CNTN5: variants seen among roughly 807,000 people sequenced by gnomAD.
CNTN5 encodes the protein contactin-5.
In CNTN5, 77 loss-of-function variants were observed where a neutral mutation model predicts 129.1. The observed-to-expected ratio is 0.60, with a 90% CI of 0.50 to 0.72. CNTN5 has a LOEUF of 0.72. Ranked by LOEUF, CNTN5 falls within the 30% of genes least tolerant of loss-of-function variation. CNTN5 has a pLI of 0.00. For synonymous variants in CNTN5, 509 were observed against 465.6 expected, an observed-to-expected ratio of 1.09 and a Z score of -1.20; for missense variants, 1,478 against 1,328.8, an observed-to-expected ratio of 1.11 and a Z score of -1.75.
chr11:99,919,442 T>C (rs191658294), intron 7 of CNTN5, among the ~76,000 whole-genome samples: 442 of 152,304 alleles, frequency 2.9e-3, no homozygotes, highest in Admixed American at 5.7e-3. Context: ...CCCTCTTCAT[T>C]CAGCTACTAC....
chr11:99,844,558 A>T (rs1947619874), intron 4 of CNTN5: 1 of 385,308 alleles, frequency 2.6e-6, no homozygotes, highest in Non-Finnish European at 4.8e-6. Context: ...ATTATCCTTC[A>T]GTCTGATTTT....
At chr11:100,181,030 G>A (rs1457865848) in intron 13 of CNTN5, among the ~76,000 whole-genome samples, 1 of 151,928 alleles carries the variant, frequency 6.6e-6, no homozygotes, top group African/African-American at 2.4e-5. Flanking sequence ...ATTTCCATAT[G>A]ACACAGATAT....
At chr11:99,120,382 C>T (rs17133063) in intron 1 of CNTN5, 9,525 of 152,190 alleles carry the variant, frequency 0.063, 809 homozygotes, top group East Asian at 0.34. Flanking sequence ...AAAGGATATA[C>T]GAGTGGCTGT....
At chr11:99,728,967 G>A (rs1001658059) in intron 3 of CNTN5, among the ~76,000 whole-genome samples, 1 of 152,122 alleles carries the variant, frequency 6.6e-6, no homozygotes, top group African/African-American at 2.4e-5. Context: ...ATGAGCATAG[G>A]TTCTTGAGCC....
chr11:99,769,434 C>G (rs1357226007), intron 3 of CNTN5, among the ~76,000 whole-genome samples: 3 of 152,070 alleles, frequency 2.0e-5, no homozygotes, highest in Admixed American at 1.3e-4. Flanking sequence ...ACCTCTAATT[C>G]AAATTCAGTG....
chr11:100,010,813 C>T (rs547975695), intron 9 of CNTN5, among the ~76,000 whole-genome samples: 28 of 152,286 alleles, frequency 1.8e-4, no homozygotes, highest in Non-Finnish European at 2.9e-4. Context: ...ACAGTTTCCT[C>T]TGTCTAAAAT....
chr11:100,282,897 C>A (rs901466082), intron 18 of CNTN5, among the ~76,000 whole-genome samples: 2 of 151,270 alleles, frequency 1.3e-5, no homozygotes, highest in African/African-American at 4.9e-5. Flanking sequence ...TACTGCCAGT[C>A]TACTGCCAGT....
chr11:100,125,131 T>C (rs921738203), intron 13 of CNTN5, among the ~76,000 whole-genome samples: 3 of 152,058 alleles, frequency 2.0e-5, no homozygotes, highest in Non-Finnish European at 4.4e-5. Context: ...AAGTGGGAGA[T>C]ATTTTACTCC....
intron 15 of CNTN5, 101 bp downstream of exon 15, chr11:100,193,764 ACAGAACATCGACTTGAT>A: frequency 1.1e-6 from 1 of 901,196 alleles, no homozygotes; most frequent in Non-Finnish European, 1.7e-6. Context: ...AAAAAAAAAA[ACAGAACATCGACTTGAT>A]AAAAACAATT....
chr11:99,174,083 C>G (rs1014326449), intron 1 of CNTN5, among the ~76,000 whole-genome samples: 2 of 152,108 alleles, frequency 1.3e-5, no homozygotes, highest in East Asian at 1.9e-4. Flanking sequence ...ACTGCAATCA[C>G]CGCCTCCCAG....
At chr11:99,323,103 AAC>A (rs1366049630) in intron 1 of CNTN5, among the ~76,000 whole-genome samples, 1 of 152,162 alleles carries the variant, frequency 6.6e-6, no homozygotes, top group Admixed American at 6.6e-5. Context: ...AATAACAACT[AAC>A]ATATGTAAAA....
intron 2 of CNTN5, among the ~76,000 whole-genome samples, chr11:99,327,991 T>C (rs973897527): frequency 6.6e-6 from 1 of 152,200 alleles, no homozygotes; most frequent in African/African-American, 2.4e-5. Context: ...AGGATTCTCA[T>C]CAATTCATGA....
chr11:99,528,789 C>CGTAGTG (rs1565263914), intron 2 of CNTN5, among the ~76,000 whole-genome samples: 2 of 152,022 alleles, frequency 1.3e-5, no homozygotes, highest in African/African-American at 4.8e-5. Flanking sequence ...TCAGGCCGGG[C>CGTAGTG]GTAGTGGCTC....
chr11:100,125,635 T>C (rs1355635929), intron 13 of CNTN5, among the ~76,000 whole-genome samples: 1 of 152,086 alleles, frequency 6.6e-6, no homozygotes, highest in Non-Finnish European at 1.5e-5. Context: ...TGTGAGTGTA[T>C]GTGTCTTTCT....
At chr11:99,090,763 C>T (rs1408925387) in intron 1 of CNTN5, among the ~76,000 whole-genome samples, 1 of 151,020 alleles carries the variant, frequency 6.6e-6, no homozygotes, top group Non-Finnish European at 1.5e-5. Context: ...TGGCTCACGC[C>T]TGTAATCCCA....
At chr11:100,081,643 T>C (rs1944367994) in intron 13 of CNTN5, among the ~76,000 whole-genome samples, 1 of 152,152 alleles carries the variant, frequency 6.6e-6, no homozygotes, top group African/African-American at 2.4e-5. Context: ...TGTCAACAAA[T>C]GGTGATACTG....
chr11:99,312,267 C>T (rs1314191769), intron 1 of CNTN5, among the ~76,000 whole-genome samples: 4 of 152,118 alleles, frequency 2.6e-5, no homozygotes, highest in African/African-American at 9.7e-5. Flanking sequence ...GAGGGAAATA[C>T]ATATAATATG....
chr11:100,008,661 C>T (rs923025414), intron 9 of CNTN5, among the ~76,000 whole-genome samples: 14 of 152,002 alleles, frequency 9.2e-5, no homozygotes, highest in African/African-American at 2.9e-4. Flanking sequence ...CACTATGGAC[C>T]TTGACCAAGC....
chr11:99,944,021 T>C (rs1950502040), intron 7 of CNTN5, among the ~76,000 whole-genome samples: 1 of 149,742 alleles, frequency 6.7e-6, no homozygotes, highest in Non-Finnish European at 1.5e-5. Context: ...ATAGGGGCTC[T>C]TCTTTGGTTC....
Sources: gnomAD v4.1 joint callset for allele counts (sites outside exome capture counted in the v4.1 genomes callset) on GRCh38, gnomAD v4.1.1 for gene constraint, MANE v1.5 for transcripts, NCBI Gene and HGNC (gene_info 2026-07-23, HGNC 2026-07-21) for gene names.